Variants in TMPRSS13 observed in about 807,000 individuals in gnomAD.
TMPRSS13 encodes transmembrane protease serine 13.
Under a neutral mutation model 68.4 loss-of-function variants are expected in TMPRSS13, and 50 were observed. The ratio of observed to expected loss-of-function variants is 0.73; its 90% CI spans 0.58 to 0.93. The LOEUF is 0.93. Among genes scored for constraint, TMPRSS13 ranks in the 40% least tolerant of loss-of-function variants. The probability of loss-of-function intolerance (pLI) is 0.00; values close to 1 mark genes in which losing one functional copy is unlikely to be tolerated. For synonymous variants in TMPRSS13, 267 were observed against 285.8 expected (o/e 0.93, Z 0.66); for missense variants, 615 against 729.2 (o/e 0.84, Z 1.80).
chr11:117,929,265 C>T (rs770415932), intron 1 of TMPRSS13, 22 bp downstream of exon 1: 13 of 1,596,394 alleles, frequency 8.1e-6, no homozygotes, highest in Admixed American at 1.7e-5. Flanking sequence ...GAATCTGGCC[C>T]GAGGCCTGAG....
intron 9 of TMPRSS13, chr11:117,908,358 CCAAG>C: frequency 1.6e-6 from 1 of 609,664 alleles, no homozygotes; most frequent in South Asian, 2.1e-5. Context: ...AGATCAGTAC[CCAAG>C]CCCTGACTCC....
At chr11:117,911,228 C>T (rs1381052920) in intron 6 of TMPRSS13, among the ~76,000 whole-genome samples, 2 of 152,194 alleles carry the variant, frequency 1.3e-5, no homozygotes, top group Non-Finnish European at 2.9e-5. Flanking sequence ...GTAGGGCAAA[C>T]AATGCTAGCT....
rs1278801683 is a variant in TMPRSS13 at position 117,916,168 on chromosome 11, C to T, written c.556+1002G>A. 2.0e-5 allele frequency among the ~76,000 whole-genome samples: 3 copies of T among 152,312 alleles called. No homozygotes were observed. In the East Asian group the frequency reaches 5.8e-4, roughly 29 times the overall value. ...CTTTAACAGAATCCTTACTCTTTGG[C>T]CTGGGGTTTAAAGCTCTCTACAGCA... is the stretch of plus-strand genomic sequence containing the variant. On this transcript the variant is annotated intron_variant, in intron 3 of 12. Coordinates refer to ENST00000524993, the MANE Select transcript of TMPRSS13 (RefSeq NM_001077263.3).
In TMPRSS13 at chr11:117,929,315, G is replaced by C. The variant is rs374052604; in HGVS notation, c.-8C>G. 18 of 1,605,406 alleles carry C rather than the reference G, an allele frequency of 1.1e-5. No individual in the cohort carries two copies. The highest frequency in any genetic ancestry group is 1.4e-5 in the Non-Finnish European group (16 of 1,176,296). On this transcript the variant is annotated 5_prime_UTR_variant, in exon 1 of 13. Coordinates refer to ENST00000524993, the MANE Select transcript of TMPRSS13 (RefSeq NM_001077263.3). Reference sequence around the variant, plus strand: ...GTGGCTGTCCCTCTCCATGGTCTCTGAGGGGAAGAGTCCTCCAGGCTTAGC... The same window carrying C: ...GTGGCTGTCCCTCTCCATGGTCTCTCAGGGGAAGAGTCCTCCAGGCTTAGC...
intron 11 of TMPRSS13, 64 bp from the exon 12 acceptor site, chr11:117,903,871 G>A (rs2057435101): frequency 1.3e-6 from 2 of 1,596,478 alleles, no homozygotes; most frequent in South Asian, 2.3e-5. Flanking sequence ...GAAAGGGTGG[G>A]GTCCCAATTC....
Position 117,911,842 on chromosome 11 carries a change from C to T in TMPRSS13, c.828G>A (p.Glu276=), listed in dbSNP as rs1400323228. The part of the protein sequence containing the change: ...LGFESAHRTT[E]VAHRDFANSF... ...TGTTGGCAAAATCCCTGTGGGCAAC[C>T]TCGGTTGTCCGGTGAGCACTACAAG... is the stretch of plus-strand genomic sequence containing the variant. Residue 276 remains glutamate, a synonymous_variant, in exon 6 of 13, where the codon GAG becomes GAA. Coordinates refer to ENST00000524993, the MANE Select transcript of TMPRSS13 (RefSeq NM_001077263.3). 6.2e-7 allele frequency: 1 copy of T among 1,614,032 alleles called. No homozygotes were observed. The highest frequency in any genetic ancestry group is 8.5e-7 in the Non-Finnish European group (1 of 1,179,982).
At chr11:117,904,861 T>TTATATATA (rs58001868) in intron 10 of TMPRSS13, among the ~76,000 whole-genome samples, 1,415 of 99,626 alleles carry the variant, frequency 0.014, 52 homozygotes, top group Non-Finnish European at 0.021. Context: ...CTAGATAAGA[T>TTATATATA]TATATATATA....
At chr11:117,903,220 C>A in intron 12 of TMPRSS13, 3 of 1,353,694 alleles carry the variant, frequency 2.2e-6, no homozygotes, top group Admixed American at 6.5e-5. Flanking sequence ...ACAACAACAA[C>A]AACAAAAAGA....
In TMPRSS13 at chr11:117,909,988, G is replaced by T; in HGVS notation, c.947-20C>A. 6.2e-7 allele frequency: 1 copy of T among 1,609,062 alleles called. No homozygotes were observed. The highest frequency in any genetic ancestry group is 8.5e-7 in the Non-Finnish European group (1 of 1,175,802). ...CGCAGTCTGGAGGGAAGGAGTAGACGTACTGTGAACCCTGTTTCTCCCAGG... is the reference window on the plus strand; with the variant it reads ...CGCAGTCTGGAGGGAAGGAGTAGACTTACTGTGAACCCTGTTTCTCCCAGG... On this transcript the variant is annotated intron_variant, in intron 7 of 12. Transcript: ENST00000524993.
chr11:117,929,290 G>A lies in TMPRSS13; in HGVS notation c.18C>T (p.His6=), dbSNP rs371734866. The A allele has an allele frequency of 1.2e-4, 196 of 1,605,424 alleles. No homozygotes were observed. In the African/African-American group the frequency reaches 2.4e-3, roughly 20 times the overall value. Residue 6 remains histidine (H), a synonymous_variant, in exon 1 of 13, where the codon CAC becomes CAT. Coordinates refer to ENST00000524993, the MANE Select transcript of TMPRSS13 (RefSeq NM_001077263.3). ...CGAGGCCTGAGGTCACACTCACCCC[G>A]TGGCTGTCCCTCTCCATGGTCTCTG... is the stretch of plus-strand genomic sequence containing the variant. MERDS[H]GNASPARTPS...
Position 117,916,439 on chromosome 11 carries a change from C to G in TMPRSS13, c.556+731G>C, listed in dbSNP as rs192717775. The stretch of plus-strand genomic sequence containing the variant: ...GCATCCAACCCACACAGCTGTCATC[C>G]CCTCCTCATAGTCACACTCAAATGC... On this transcript the variant is annotated intron_variant, in intron 3 of 12. Transcript: ENST00000524993. Among the ~76,000 whole-genome samples, 13 of 152,372 alleles carry G rather than the reference C, an allele frequency of 8.5e-5. No homozygotes were observed. In the East Asian group the frequency reaches 2.5e-3, roughly 29 times the overall value.
intron 6 of TMPRSS13, among the ~76,000 whole-genome samples, chr11:117,911,268 A>C (rs10732858): frequency 0.98 from 149,149 of 152,286 alleles, 73,096 homozygotes; most frequent in Non-Finnish European, 1. Context: ...TGATGCTTCC[A>C]ACGTGGCCCT....
At position 117,915,521 on chromosome 11, in the gene TMPRSS13, C is replaced by T. The variant is rs143549251; in HGVS notation, c.557-1007G>A. On this transcript the variant is annotated intron_variant, in intron 3 of 12. Coordinates refer to ENST00000524993, the MANE Select transcript of TMPRSS13 (RefSeq NM_001077263.3). This position sits in a 1 kb window ranked among gnomAD's most constrained non-coding sequence, Gnocchi z 4.9. ...TCCCATATCCTGGGCACTCAACCCC[C>T]GGGGAACCCTGGGCAGTCTCCCCTG... Among the ~76,000 whole-genome samples, 384 of 152,338 alleles carry T rather than the reference C, an allele frequency of 2.5e-3. 2 individuals are homozygous for T. Among genetic ancestry groups the T allele is most frequent in the African/African-American group, 8.7e-3 (363 of 41,578 alleles).
intron 1 of TMPRSS13, among the ~76,000 whole-genome samples, chr11:117,925,776 C>T (rs150453160): frequency 2.0e-5 from 3 of 152,372 alleles, no homozygotes; most frequent in East Asian, 3.9e-4. Context: ...ATCTGTTCTG[C>T]CAAAACAAGA....
In TMPRSS13 at chr11:117,914,343, A is replaced by ACACATG. The variant is rs761036943; in HGVS notation, c.679+43_679+48dup. ...CACACATATACAAACAGGCACACAA[A>ACACATG]CACATGCACATGCACACGCACGCGC... On this transcript the variant is annotated intron_variant, in intron 4 of 12. Coordinates refer to ENST00000524993, the MANE Select transcript of TMPRSS13 (RefSeq NM_001077263.3). The surrounding 1 kb of genome is among the most constrained non-coding windows in gnomAD (Gnocchi z 4.2). 13 of 1,606,926 alleles carry ACACATG rather than the reference A, an allele frequency of 8.1e-6. No individual in the cohort carries two copies. Among genetic ancestry groups the ACACATG allele is most frequent in the Middle Eastern group, 1.7e-4 (1 of 6,010 alleles).
chr11:117,914,057 C>G lies in TMPRSS13; in HGVS notation c.680-151G>C. ...AAAAGTCCAGGAACATGGCCTGGGT[C>G]ATGGGGGTTAACCAGTACTCAGAAG... On this transcript the variant is annotated intron_variant, in intron 4 of 12. Coordinates refer to ENST00000524993, the MANE Select transcript of TMPRSS13 (RefSeq NM_001077263.3). This position sits in a 1 kb window ranked among gnomAD's most constrained non-coding sequence, Gnocchi z 4.2. The G allele has an allele frequency of 1.0e-6, 1 of 966,868 alleles. No individual in the cohort carries two copies. Among genetic ancestry groups the G allele is most frequent in the South Asian group, 1.7e-5 (1 of 60,024 alleles). 59.9% of individuals were successfully genotyped at this position (966,868 alleles called of 1,614,324 possible).
At chr11:117,911,672 A>G in intron 6 of TMPRSS13, 96 bp downstream of exon 6, 1 of 934,860 alleles carries the variant, frequency 1.1e-6, no homozygotes. Flanking sequence ...GCTGGATACT[A>G]GAAAAGCCAG....
chr11:117,907,957 T>C, intron 9 of TMPRSS13: 1 of 987,604 alleles, frequency 1.0e-6, no homozygotes, highest in Non-Finnish European at 1.2e-6. Flanking sequence ...AGTGATCTTC[T>C]GAGAACCTCT....
chr11:117,914,442 C>A lies in TMPRSS13; in HGVS notation c.629G>T (p.Arg210Leu). Residue 210 changes from arginine (R) to leucine (L), a missense_variant, in exon 4 of 13, where the codon CGC becomes CTC. Arg to Leu is a moderately radical substitution (Grantham distance 102, BLOSUM62 -2). Transcript: ENST00000524993. This position sits in a 1 kb window ranked among gnomAD's most constrained non-coding sequence, Gnocchi z 4.2. ...QRESCPKHAV[R>L]CDGVVDCKLK... ...CTTGCAGTCCACCACCCCGTCACAG[C>A]GAACAGCGTGCTTGGGACAGCTCTC... The A allele has an allele frequency of 6.2e-7, 1 of 1,614,046 alleles. No individual in the cohort carries two copies. The highest frequency in any genetic ancestry group is 8.5e-7 in the Non-Finnish European group (1 of 1,180,028).
Sources: gnomAD v4.1 joint callset for allele counts (sites outside exome capture counted in the v4.1 genomes callset) on GRCh38, gnomAD v4.1.1 for gene constraint, Gnocchi (gnomAD v3.1) non-coding constraint, MANE v1.5 for transcripts, NCBI Gene and HGNC (gene_info 2026-07-23, HGNC 2026-07-21) for gene names.